Variants in COL11A2 observed in about 807,000 individuals in gnomAD.
COL11A2 encodes the protein collagen type XI alpha 2 chain.
In COL11A2, 116 loss-of-function variants were observed where a neutral mutation model predicts 273.4. The ratio of observed to expected loss-of-function variants is 0.42; its 90% CI spans 0.36 to 0.49. The LOEUF (loss-of-function observed/expected upper bound fraction) is 0.49. COL11A2 is among the 20% of genes least tolerant of loss of function. COL11A2 has a pLI of 0.00. For synonymous variants in COL11A2, 782 were observed against 864.2 expected (o/e 0.90, Z 1.67); for missense variants, 1,866 against 2,309.0 (o/e 0.81, Z 3.93).
intron 4 of COL11A2, among the ~76,000 whole-genome samples, chr6:33,187,109 G>A (rs1562384200): frequency 6.6e-6 from 1 of 152,196 alleles, no homozygotes; most frequent in Non-Finnish European, 1.5e-5. Context: ...ACCCAGAGTG[G>A]CAGAATCAGG....
chr6:33,167,821 C>T lies in COL11A2; in HGVS notation c.3992G>A (p.Arg1331Gln), dbSNP rs146082418. Residue 1331 changes from arginine to glutamine, a missense_variant, in exon 55 of 66, where the codon CGA becomes CAA. Coordinates refer to ENST00000341947, the MANE Select transcript of COL11A2 (RefSeq NM_080680.3). This position sits in a 1 kb window ranked among gnomAD's most constrained non-coding sequence, Gnocchi z 6.1. ...CACCTTGGCTCCCTTCCCTCCTTGT[C>T]GCCCCTCGGAACCAGGCGAGCCAGC... ...GPAGSPGSEG[R>Q]QGGKGAKGDP... 27 of 1,612,806 alleles carry T rather than the reference C, an allele frequency of 1.7e-5. No individual in the cohort carries two copies. The highest frequency in any genetic ancestry group is 2.2e-5 in the East Asian group (1 of 44,858).
rs1049191078 is a variant in COL11A2, at chr6:33,173,233, A to C, written c.2736+115T>G. On this transcript the variant is annotated intron_variant, in intron 37 of 65. Transcript: ENST00000341947. This position sits in a 1 kb window ranked among gnomAD's most constrained non-coding sequence, Gnocchi z 6.3. ...GCCCTGGGCCCTGGGTCTGAGCAGCACCAGGGCAGGCTCCACTCTGCCAGG... is the reference window on the plus strand; with the variant it reads ...GCCCTGGGCCCTGGGTCTGAGCAGCCCCAGGGCAGGCTCCACTCTGCCAGG... 3.9e-6 allele frequency: 6 copies of C among 1,521,634 alleles called. No individual in the cohort carries two copies. The highest frequency in any genetic ancestry group is 2.7e-5 in the African/African-American group (2 of 73,196). The allele number at this position is 1,521,634 out of a possible 1,614,324, so 94.3% of individuals were successfully genotyped here.
chr6:33,167,181 A>T lies in COL11A2; in HGVS notation c.4177-58T>A. On this transcript the variant is annotated intron_variant, in intron 57 of 65. Transcript: ENST00000341947. The surrounding 1 kb of genome is among the most constrained non-coding windows in gnomAD (Gnocchi z 6.1). ...GAGAGGTGGGACCAAGTTCTCCCCA[A>T]CAGCCTCCACTTCCTCCAGGGCTTC... 1 of 1,613,632 alleles carries T rather than the reference A, an allele frequency of 6.2e-7. No homozygotes were observed. The highest frequency in any genetic ancestry group is 8.5e-7 in the Non-Finnish European group (1 of 1,179,612).
Position 33,192,375 on chromosome 6 carries a change from G to T in COL11A2, c.-135C>A. On this transcript the variant is annotated 5_prime_UTR_variant, in exon 1 of 66. Coordinates refer to ENST00000341947, the MANE Select transcript of COL11A2 (RefSeq NM_080680.3). ...GTCCCAGGGAGGTCAGAGGCTGCGG[G>T]CAGCGACAGCTGTCAGCGGCCCAGC... The T allele has an allele frequency of 1.2e-6, 1 of 859,806 alleles. No homozygotes were observed. Among genetic ancestry groups the T allele is most frequent in the Non-Finnish European group, 1.9e-6 (1 of 533,408 alleles). The allele number at this position is 859,806 out of a possible 1,614,324, so 53.3% of individuals were successfully genotyped here.
chr6:33,170,223 G>T lies in COL11A2; in HGVS notation c.3582+103C>A. The T allele has an allele frequency of 6.4e-7, 1 of 1,564,646 alleles. No individual in the cohort carries two copies. Among genetic ancestry groups the T allele is most frequent in the East Asian group, 2.3e-5 (1 of 44,266 alleles). ...CAGTGGAGGCCTCCCGGGAGTAAGG[G>T]CTTCTCTTGGCCCCTGAGACGATAC... On this transcript the variant is annotated intron_variant, in intron 48 of 65. Coordinates refer to ENST00000341947, the MANE Select transcript of COL11A2 (RefSeq NM_080680.3). The surrounding 1 kb of genome is among the most constrained non-coding windows in gnomAD (Gnocchi z 4.3).
chr6:33,172,151 G>A (rs767758098), intron 40 of COL11A2, 48 bp from the exon 41 acceptor site: 84 of 1,610,220 alleles, frequency 5.2e-5, no homozygotes, highest in African/African-American at 1.1e-4. Context: ...AAAAGAGAAG[G>A]GTGAGAGCTG....
rs1769649191 is a variant in COL11A2, at chr6:33,169,081, A to G, written c.3799-73T>C. 2 of 1,435,738 alleles carry G rather than the reference A, an allele frequency of 1.4e-6. No homozygotes were observed. The highest frequency in any genetic ancestry group is 1.9e-6 in the Non-Finnish European group (2 of 1,055,488). The allele number at this position is 1,435,738 out of a possible 1,614,324, so 88.9% of individuals were successfully genotyped here. The stretch of plus-strand genomic sequence containing the variant: ...ACCCAGCACAGACGCCCACAGGCAC[A>G]CGCCACTGCCTCTCTAGAGGCAGTG... On this transcript the variant is annotated intron_variant, in intron 51 of 65. Coordinates refer to ENST00000341947, the MANE Select transcript of COL11A2 (RefSeq NM_080680.3). The surrounding 1 kb of genome is among the most constrained non-coding windows in gnomAD (Gnocchi z 5.5).
chr6:33,184,974 G>T lies in COL11A2; in HGVS notation c.939+18C>A. On this transcript the variant is annotated intron_variant, in intron 7 of 65. Coordinates refer to ENST00000341947, the MANE Select transcript of COL11A2 (RefSeq NM_080680.3). Reference sequence around the variant, plus strand: ...GCCCACTGCCCCCAGATGGGGTGAGGGTGGGGCATAGAGTTACCTCCTCAA... The same window carrying T: ...GCCCACTGCCCCCAGATGGGGTGAGTGTGGGGCATAGAGTTACCTCCTCAA... 3.2e-6 allele frequency: 5 copies of T among 1,549,216 alleles called. No homozygotes were observed. Among genetic ancestry groups the T allele is most frequent in the Non-Finnish European group, 4.4e-6 (5 of 1,144,992 alleles).
rs780071501 is a variant in COL11A2, at chr6:33,165,759, G to A, written c.4540C>T (p.Arg1514Cys). ...ATCAGACGGCTTCCATCCACCGAGC[G>A]CCGAGTCTTCTTGGGCATCTGAATG... Reference protein sequence around the residue: ...LPIQMPKKTRRSVDGSRLMQE... With the variant: ...LPIQMPKKTRCSVDGSRLMQE... The change falls in exon 63 of 66, where the codon CGC (arginine) becomes TGC (cysteine). Residue 1514 changes from arginine to cysteine, a missense_variant. Transcript: ENST00000341947. This position sits in a 1 kb window ranked among gnomAD's most constrained non-coding sequence, Gnocchi z 7.7. The A allele has an allele frequency of 6.2e-7, 1 of 1,612,634 alleles. No homozygotes were observed. Among genetic ancestry groups the A allele is most frequent in the Non-Finnish European group, 8.5e-7 (1 of 1,180,000 alleles).
intron 52 of COL11A2, 53 bp from the exon 53 acceptor site, chr6:33,168,812 C>T: frequency 6.2e-7 from 1 of 1,601,726 alleles, no homozygotes; most frequent in Non-Finnish European, 8.5e-7. Flanking sequence ...CTGGCATCAC[C>T]TCCAAAACTG....
In COL11A2 at chr6:33,163,955, C is replaced by T; in HGVS notation, c.5071-137G>A. On this transcript the variant is annotated intron_variant, in intron 65 of 65. Transcript: ENST00000341947. The surrounding 1 kb of genome is among the most constrained non-coding windows in gnomAD (Gnocchi z 4.1). ...CTCAGGATGTACAGACTGGCAGTGT[C>T]TATGTGCCCATGCGTGTGTGTTTGC... The T allele has an allele frequency of 7.6e-7, 1 of 1,319,132 alleles. No homozygotes were observed. The highest frequency in any genetic ancestry group is 2.3e-4 in the Middle Eastern group (1 of 4,324). The allele number at this position is 1,319,132 out of a possible 1,614,324, so 81.7% of individuals were successfully genotyped here. A position where few individuals can be genotyped will look rare whatever the true frequency, so the allele number is the denominator to read the frequency against.
rs1771360548 is a variant in COL11A2, at chr6:33,179,205, G to A, written c.1557+26C>T. 1.2e-6 allele frequency: 2 copies of A among 1,611,946 alleles called. No individual in the cohort carries two copies. The highest frequency in any genetic ancestry group is 1.3e-5 in the African/African-American group (1 of 74,932). ...GAGACTGAGCTGGTGAACAGATATGGGGGTGCAGTGGAGGAAAGTGGTCAC... is the reference window on the plus strand; with the variant it reads ...GAGACTGAGCTGGTGAACAGATATGAGGGTGCAGTGGAGGAAAGTGGTCAC... On this transcript the variant is annotated intron_variant, in intron 15 of 65. Coordinates refer to ENST00000341947, the MANE Select transcript of COL11A2 (RefSeq NM_080680.3). The surrounding 1 kb of genome is among the most constrained non-coding windows in gnomAD (Gnocchi z 6.4).
upstream of COL11A2, among the ~76,000 whole-genome samples, chr6:33,193,422 TC>T (rs1157861658): frequency 3.1e-5 from 1 of 32,492 alleles, no homozygotes; most frequent in African/African-American, 1.3e-4. Flanking sequence ...GCACACCCTC[TC>T]CCCCCCTCCC....
rs2150511088 is a variant in COL11A2 at position 33,164,416 on chromosome 6, G to A, written c.4921C>T (p.Arg1641Trp). 3.8e-6 allele frequency: 6 copies of A among 1,596,800 alleles called. No individual in the cohort carries two copies. Among genetic ancestry groups the A allele is most frequent in the East Asian group, 2.3e-5 (1 of 44,116 alleles). ...PVGVVQLTFL[R>W]LLSVSAHQDV... ...TGGTGGGCTGAGACGCTGAGCAGCC[G>A]CAGGAAGGTGAGCTGGACCACACCC... is the stretch of plus-strand genomic sequence containing the variant. Residue 1641 changes from arginine (R) to tryptophan (W), a missense_variant, in exon 65 of 66, where the codon CGG (arginine) becomes TGG (tryptophan). By Grantham distance (101) the Arg-to-Trp change is moderately radical. Coordinates refer to ENST00000341947, the MANE Select transcript of COL11A2 (RefSeq NM_080680.3). The surrounding 1 kb of genome is among the most constrained non-coding windows in gnomAD (Gnocchi z 4.7).
rs1165406140 is a variant in COL11A2, at chr6:33,188,450, C to T, written c.518G>A (p.Arg173Gln). 3.7e-6 allele frequency: 6 copies of T among 1,612,998 alleles called. No individual in the cohort carries two copies. Among genetic ancestry groups the T allele is most frequent in the Non-Finnish European group, 4.2e-6 (5 of 1,180,010 alleles). The stretch of plus-strand genomic sequence containing the variant: ...TGGACGAGCACTTCGGGGGAGAGGC[C>T]GGGTGACTCGCTTCTTGCAGTCAAC... ...LIVDCKKRVT[R>Q]PLPRSARPVL... Residue 173 changes from arginine to glutamine, a missense_variant, in exon 4 of 66, where the codon CGG becomes CAG. Coordinates refer to ENST00000341947, the MANE Select transcript of COL11A2 (RefSeq NM_080680.3).
Position 33,163,863 on chromosome 6 carries a change from C to T in COL11A2, c.5071-45G>A. 1 of 1,612,116 alleles carries T rather than the reference C, an allele frequency of 6.2e-7. No individual in the cohort carries two copies. The highest frequency in any genetic ancestry group is 8.5e-7 in the Non-Finnish European group (1 of 1,179,314). On this transcript the variant is annotated intron_variant, in intron 65 of 65. Transcript: ENST00000341947. This position sits in a 1 kb window ranked among gnomAD's most constrained non-coding sequence, Gnocchi z 4.1. ...AGAAAGTGTGAGCAGGATGGAGGCA[C>T]CCCCCACCCTCTAACCTCAGGCCCA...
Position 33,179,891 on chromosome 6 carries a change from C to T in COL11A2, c.1360-86G>A. 1 of 1,294,658 alleles carries T rather than the reference C, an allele frequency of 7.7e-7. No individual in the cohort carries two copies. Among genetic ancestry groups the T allele is most frequent in the Non-Finnish European group, 1.1e-6 (1 of 903,950 alleles). 80.2% of individuals were successfully genotyped at this position (1,294,658 alleles called of 1,614,324 possible). ...CAGAGGCTTTCTCCAGCGTTTCTGC[C>T]CCTTGCCCCAGGTTCTGCCCATCCA... is the stretch of plus-strand genomic sequence containing the variant. On this transcript the variant is annotated intron_variant, in intron 12 of 65. Transcript: ENST00000341947. This position sits in a 1 kb window ranked among gnomAD's most constrained non-coding sequence, Gnocchi z 6.4.
At chr6:33,181,292 G>A (rs1005841194) in intron 8 of COL11A2, 122 bp from the exon 9 acceptor site, 161 of 1,017,558 alleles carry the variant, frequency 1.6e-4, no homozygotes, top group South Asian at 2.3e-4. Flanking sequence ...AGCCCTACCC[G>A]AAAGCCCCAC....
intron 8 of COL11A2, among the ~76,000 whole-genome samples, chr6:33,183,297 G>A (rs919842770): frequency 6.6e-6 from 1 of 152,140 alleles, no homozygotes; most frequent in Non-Finnish European, 1.5e-5. Context: ...TGGCTGAACA[G>A]ACAGGAAGCA....
Sources: gnomAD v4.1 joint callset for allele counts (sites outside exome capture counted in the v4.1 genomes callset) on GRCh38, gnomAD v4.1.1 for gene constraint, Gnocchi (gnomAD v3.1) non-coding constraint, MANE v1.5 for transcripts, NCBI Gene and HGNC (gene_info 2026-07-23, HGNC 2026-07-21) for gene names.